DENND4A: variants seen among roughly 807,000 people sequenced by gnomAD.
The protein encoded by DENND4A is DENN domain containing 4A, also known as C-myc promoter-binding protein.
DENND4A carries 70 observed loss-of-function variants against 199.3 expected under a neutral mutation model. That is an observed-to-expected ratio of 0.35 (90% CI 0.29 to 0.43). DENND4A has a LOEUF of 0.43. Ranked by LOEUF, DENND4A falls within the 20% of genes least tolerant of loss-of-function variation. The pLI is 1.00. For synonymous variants in DENND4A, 686 were observed against 766.9 expected (o/e 0.89, Z 1.74); for missense variants, 1,723 against 2,255.8 (o/e 0.76, Z 4.78).
chr15:65,771,846 A>G (rs1313445137), intron 1 of DENND4A: 2 of 1,612,524 alleles, frequency 1.2e-6, no homozygotes, highest in African/African-American at 1.3e-5. Context: ...TTAAAACAGC[A>G]TAAGCATTCC....
chr15:65,710,038 CT>C (rs2075200029), intron 14 of DENND4A, among the ~76,000 whole-genome samples: 1 of 151,996 alleles, frequency 6.6e-6, no homozygotes, highest in African/African-American at 2.4e-5. Context: ...TTCCAGTCAC[CT>C]TCTGCATGGA....
At chr15:65,705,629 A>G (rs1043341626) in intron 15 of DENND4A, among the ~76,000 whole-genome samples, 1 of 152,188 alleles carries the variant, frequency 6.6e-6, no homozygotes, top group African/African-American at 2.4e-5. Flanking sequence ...CATGAAAAAA[A>G]TTAGTAACTT....
In DENND4A at chr15:65,665,387, G is replaced by T. The variant is rs749880851; in HGVS notation, c.5317C>A (p.Gln1773Lys). 4.3e-6 allele frequency: 7 copies of T among 1,613,734 alleles called. No homozygotes were observed. In the East Asian group the frequency reaches 1.6e-4, roughly 36 times the overall value. Residue 1773 changes from glutamine (Q) to lysine (K), a missense_variant, in exon 30 of 33, where the codon CAG becomes AAG. Coordinates refer to ENST00000443035, the MANE Select transcript of DENND4A (RefSeq NM_001320835.1). Reference protein sequence around the residue: ...QMLWDNMKLHQDPGQPLYILW... With the variant: ...QMLWDNMKLHKDPGQPLYILW... ...ATGTACAAGGGCTGTCCCGGATCCT[G>T]ATGTAACTTCATATTGTCCCATAAC...
At chr15:65,681,356 C>G (rs1433117255) in intron 23 of DENND4A, 2 of 152,208 alleles carry the variant, frequency 1.3e-5, no homozygotes, top group Non-Finnish European at 2.9e-5. Flanking sequence ...AGAAGAGAAT[C>G]CTTTCCAGAA....
At chr15:65,695,876 T>C (rs932031187) in intron 22 of DENND4A, among the ~76,000 whole-genome samples, 6 of 151,946 alleles carry the variant, frequency 3.9e-5, no homozygotes, top group African/African-American at 1.4e-4. Flanking sequence ...AGTGCTAATA[T>C]CTCCTTTGAT....
rs869058369 is a variant in DENND4A, at chr15:65,659,322, G to GTTTTT, written c.*2524_*2528dup. 10 of 71,588 alleles carry GTTTTT rather than the reference G, an allele frequency of 1.4e-4. No individual in the cohort carries two copies. The highest frequency in any genetic ancestry group is 5.4e-4 in the African/African-American group (7 of 12,924). The allele number at this position is 71,588 out of a possible 1,614,324, so 4.4% of individuals were successfully genotyped here. A position where few individuals can be genotyped will look rare whatever the true frequency, so the allele number is the denominator to read the frequency against. The stretch of plus-strand genomic sequence containing the variant: ...TATTTTAAATGATTGATATTTTCTG[G>GTTTTT]TTTTTTTTTTTTTTTTTTTTTTTTT... On this transcript the variant is annotated 3_prime_UTR_variant, in exon 33 of 33. Transcript: ENST00000443035.
chr15:65,789,871 A>C (rs149872021), intron 1 of DENND4A, among the ~76,000 whole-genome samples: 4 of 152,144 alleles, frequency 2.6e-5, no homozygotes, highest in African/African-American at 9.7e-5. Context: ...AAGAGTAATA[A>C]CTGGCCGGGT....
At chr15:65,681,156 C>T (rs8029478) in intron 23 of DENND4A, 30,694 of 152,200 alleles carry the variant, frequency 0.2, 4,109 homozygotes, top group East Asian at 0.73. Context: ...GCAATTAAGT[C>T]ACATCCTCAA....
chr15:65,681,763 T>A (rs1359334800), intron 23 of DENND4A, among the ~76,000 whole-genome samples: 2 of 152,044 alleles, frequency 1.3e-5, no homozygotes, highest in Non-Finnish European at 2.9e-5. Flanking sequence ...AGACAGGGTT[T>A]TGCCATGTTG....
chr15:65,777,499 C>T (rs1342047706), intron 1 of DENND4A, among the ~76,000 whole-genome samples: 27 of 151,964 alleles, frequency 1.8e-4, no homozygotes, highest in Admixed American at 1.2e-3. Flanking sequence ...ATCACAAGCA[C>T]GCACCACCAC....
At chr15:65,732,653 A>T in intron 8 of DENND4A, 99 bp downstream of exon 8, 2 of 719,690 alleles carry the variant, frequency 2.8e-6, no homozygotes, top group South Asian at 1.8e-5. Context: ...AAATCTCATT[A>T]GGTTTTTTTC....
intron 7 of DENND4A, among the ~76,000 whole-genome samples, chr15:65,737,497 A>G (rs1056207958): frequency 7.9e-5 from 12 of 152,354 alleles, no homozygotes; most frequent in Middle Eastern, 3.4e-3. Context: ...CAAATGAAAC[A>G]TTAATTTCAT....
At position 65,721,188 on chromosome 15, in the gene DENND4A, T is replaced by C. The variant is rs1269273091; in HGVS notation, c.1588+1660A>G. ...TATTCAAAAGAAGTGCAAACACTTT[T>C]AGAAAGCAATTAACTAGGTAACAAA... On this transcript the variant is annotated intron_variant, in intron 12 of 32. Coordinates refer to ENST00000443035, the MANE Select transcript of DENND4A (RefSeq NM_001320835.1). Among the ~76,000 whole-genome samples the C allele has an allele frequency of 2.0e-5, 3 of 151,776 alleles. No homozygotes were observed. In the East Asian group the frequency reaches 5.8e-4, roughly 29 times the overall value.
At chr15:65,702,242 C>A in intron 17 of DENND4A, 63 bp downstream of exon 17, 1 of 1,341,150 alleles carries the variant, frequency 7.5e-7, no homozygotes. Flanking sequence ...GCACTCCAGC[C>A]TGGGTGACAG....
chr15:65,664,807 G>A (rs1331407759), intron 30 of DENND4A, 85 bp from the exon 31 acceptor site: 1 of 1,167,982 alleles, frequency 8.6e-7, no homozygotes, highest in Non-Finnish European at 1.2e-6. Context: ...CAGATATTAA[G>A]TTACAAAGCA....
At chr15:65,674,110 A>G (rs563430710) in intron 24 of DENND4A, among the ~76,000 whole-genome samples, 1 of 152,144 alleles carries the variant, frequency 6.6e-6, no homozygotes, top group Non-Finnish European at 1.5e-5. Flanking sequence ...ATATCAGCCA[A>G]ATGCAAATGC....
At chr15:65,706,730 G>A (rs2075073723) in intron 14 of DENND4A, among the ~76,000 whole-genome samples, 1 of 152,164 alleles carries the variant, frequency 6.6e-6, no homozygotes, top group Admixed American at 6.5e-5. Flanking sequence ...TCTTGACCTT[G>A]TGATCTGCCC....
chr15:65,732,395 A>G (rs1220838178), intron 8 of DENND4A, among the ~76,000 whole-genome samples: 1 of 152,080 alleles, frequency 6.6e-6, no homozygotes, highest in Non-Finnish European at 1.5e-5. Flanking sequence ...ACTCTTATCT[A>G]TGTTTTGAAA....
At chr15:65,676,714 C>G in intron 23 of DENND4A, 80 bp from the exon 24 acceptor site, 1 of 1,057,280 alleles carries the variant, frequency 9.5e-7, no homozygotes, top group South Asian at 2.2e-5. Flanking sequence ...GCAGAAAAAA[C>G]ACTTATCACC....
Sources: gnomAD v4.1 joint callset for allele counts (sites outside exome capture counted in the v4.1 genomes callset) on GRCh38, gnomAD v4.1.1 for gene constraint, MANE v1.5 for transcripts, NCBI Gene and HGNC (gene_info 2026-07-23, HGNC 2026-07-21) for gene names.